FAM13B: variants seen among roughly 807,000 people sequenced by gnomAD.
FAM13B encodes the protein family with sequence similarity 13 member B, also known as protein FAM13B.
A neutral mutation model predicts 117.3 loss-of-function variants in FAM13B; 60 were observed. The observed-to-expected ratio is 0.51, with a 90% CI of 0.42 to 0.63. The LOEUF (loss-of-function observed/expected upper bound fraction) is 0.63. FAM13B is among the 30% of genes least tolerant of loss of function. The pLI is 0.00. For synonymous variants in FAM13B, 332 were observed against 356.1 expected, an observed-to-expected ratio of 0.93 and a Z score of 0.76; for missense variants, 972 against 1,091.9, an observed-to-expected ratio of 0.89 and a Z score of 1.55.
At chr5:137,996,884 A>T (rs62381758) in intron 7 of FAM13B, among the ~76,000 whole-genome samples, 4 of 152,320 alleles carry the variant, frequency 2.6e-5, no homozygotes, top group East Asian at 1.9e-4. Flanking sequence ...TGAGCCACTG[A>T]GCCCAGCCCA....
chr5:137,961,817 A>C (rs1323623811), intron 11 of FAM13B, among the ~76,000 whole-genome samples: 1 of 152,184 alleles, frequency 6.6e-6, no homozygotes, highest in Non-Finnish European at 1.5e-5. Flanking sequence ...CAAGAACCCA[A>C]ATCTTACTCT....
At chr5:137,978,517 C>T (rs1259118878) in intron 10 of FAM13B, among the ~76,000 whole-genome samples, 6 of 151,866 alleles carry the variant, frequency 4.0e-5, no homozygotes, top group Non-Finnish European at 7.4e-5. Context: ...AAAAAAAAGC[C>T]ATTTCATTAG....
intron 18 of FAM13B, 31 bp from the exon 19 acceptor site, chr5:137,946,342 C>CAAAAA: frequency 2.2e-6 from 2 of 919,178 alleles, no homozygotes; most frequent in Non-Finnish European, 3.0e-6. Flanking sequence ...TAACAAAATA[C>CAAAAA]AAAAAAAAAA....
Position 138,021,065 on chromosome 5 carries a change from G to T in FAM13B, c.-70C>A. On this transcript the variant is annotated 5_prime_UTR_variant, in exon 2 of 24. Coordinates refer to ENST00000689681, the MANE Select transcript of FAM13B (RefSeq NM_001385994.1). Reference sequence around the variant, plus strand: ...CTTAAATACCTAAGTTTAAAAAATGGCTTCTGCACCAGCTACCCTCACTGA... The same window carrying T: ...CTTAAATACCTAAGTTTAAAAAATGTCTTCTGCACCAGCTACCCTCACTGA... The T allele has an allele frequency of 8.1e-7, 1 of 1,231,554 alleles. No individual in the cohort carries two copies. The highest frequency in any genetic ancestry group is 1.0e-6 in the Non-Finnish European group (1 of 987,916). The allele number at this position is 1,231,554 out of a possible 1,614,324, so 76.3% of individuals were successfully genotyped here. A position where few individuals can be genotyped will look rare whatever the true frequency, so the allele number is the denominator to read the frequency against.
At chr5:137,976,582 C>G (rs1176539720) in intron 10 of FAM13B, among the ~76,000 whole-genome samples, 1 of 152,194 alleles carries the variant, frequency 6.6e-6, no homozygotes, top group African/African-American at 2.4e-5. Context: ...GAGGGACCAG[C>G]TGAAGCCATG....
At chr5:138,028,486 T>C (rs961595952) in intron 1 of FAM13B, among the ~76,000 whole-genome samples, 1 of 151,590 alleles carries the variant, frequency 6.6e-6, no homozygotes, top group African/African-American at 2.4e-5. Flanking sequence ...CAGACTTGTA[T>C]AAAAACTGAA....
At chr5:138,051,899 T>C (rs1791810476) in exon 1 of FAM13B, 1 of 152,178 alleles carries the variant, frequency 6.6e-6, no homozygotes. Context: ...GCCCTGTAGA[T>C]GTCCCTTTCA....
intron 2 of FAM13B, chr5:138,020,025 A>G (rs1252863222): frequency 6.2e-6 from 6 of 972,396 alleles, no homozygotes; most frequent in South Asian, 9.5e-5. Context: ...CTGGACATCA[A>G]CTTTCAATAA....
At chr5:137,969,149 T>A (rs1296703774) in intron 10 of FAM13B, among the ~76,000 whole-genome samples, 1 of 152,222 alleles carries the variant, frequency 6.6e-6, no homozygotes, top group Non-Finnish European at 1.5e-5. Context: ...GCTCCACCTC[T>A]GGGGGGCAGG....
At chr5:138,008,228 C>T (rs1040541350) in intron 6 of FAM13B, among the ~76,000 whole-genome samples, 14 of 152,046 alleles carry the variant, frequency 9.2e-5, no homozygotes, top group African/African-American at 3.4e-4. Flanking sequence ...AACCCTTGAA[C>T]CCAGGAGTTC....
At chr5:138,046,473 A>T (rs1297848501) in intron 1 of FAM13B, among the ~76,000 whole-genome samples, 1 of 152,168 alleles carries the variant, frequency 6.6e-6, no homozygotes, top group Non-Finnish European at 1.5e-5. Context: ...CCCTAATTGG[A>T]TGGTGGCTAC....
chr5:137,961,314 AAACAACAACAACAAC>A (rs56832242), intron 11 of FAM13B, among the ~76,000 whole-genome samples: 4 of 151,170 alleles, frequency 2.6e-5, no homozygotes, highest in Non-Finnish European at 4.4e-5. Flanking sequence ...CTTTTTCCAA[AAACAACAACAACAAC>A]AACAACAACA....
intron 10 of FAM13B, among the ~76,000 whole-genome samples, chr5:137,969,717 A>T (rs1169609883): frequency 1.3e-5 from 2 of 152,066 alleles, no homozygotes; most frequent in African/African-American, 4.8e-5. Context: ...TTTGAAAAAA[A>T]TTTAGAAGAA....
At chr5:138,010,969 A>AGC in intron 6 of FAM13B, 39 bp downstream of exon 6, 1 of 1,423,108 alleles carries the variant, frequency 7.0e-7, no homozygotes, top group Non-Finnish European at 9.1e-7. Flanking sequence ...AAAAAAAAAA[A>AGC]AAAAAAAAAA....
At chr5:138,014,811 C>A (rs1784877574) in intron 4 of FAM13B, among the ~76,000 whole-genome samples, 1 of 152,182 alleles carries the variant, frequency 6.6e-6, no homozygotes, top group South Asian at 2.1e-4. Flanking sequence ...TGGCCTGTGT[C>A]TGAAGTCTTC....
At position 137,978,165 on chromosome 5, in the gene FAM13B, T is replaced by A. The variant is rs539970625; in HGVS notation, c.1179+7092A>T. Reference sequence around the variant, plus strand: ...ACTCAACTATATCCTATGATATGGATATACTATGATTTATCTAATCATTTT... The same window carrying A: ...ACTCAACTATATCCTATGATATGGAAATACTATGATTTATCTAATCATTTT... On this transcript the variant is annotated intron_variant, in intron 10 of 23. Coordinates refer to ENST00000689681, the MANE Select transcript of FAM13B (RefSeq NM_001385994.1). 2.6e-5 allele frequency among the ~76,000 whole-genome samples: 4 copies of A among 152,332 alleles called. No individual in the cohort carries two copies. The East Asian group carries it at 7.7e-4, about 29-fold the overall frequency.
intron 7 of FAM13B, among the ~76,000 whole-genome samples, chr5:137,990,854 TA>T (rs1232826486): frequency 6.6e-6 from 1 of 152,118 alleles, no homozygotes; most frequent in Non-Finnish European, 1.5e-5. Context: ...GTCAATATAG[TA>T]TATTGACAAA....
intron 1 of FAM13B, among the ~76,000 whole-genome samples, chr5:138,047,102 T>C (rs555332311): frequency 6.6e-6 from 1 of 152,242 alleles, no homozygotes; most frequent in East Asian, 1.9e-4. Context: ...GTGAGCTATC[T>C]GTAGAGAAGA....
At chr5:137,959,202 T>G (rs1297396040) in intron 13 of FAM13B, among the ~76,000 whole-genome samples, 1 of 152,232 alleles carries the variant, frequency 6.6e-6, no homozygotes, top group African/African-American at 2.4e-5. Flanking sequence ...GAAGGTCATT[T>G]TTCAAAAAAG....
Sources: gnomAD v4.1 joint callset for allele counts (sites outside exome capture counted in the v4.1 genomes callset) on GRCh38, gnomAD v4.1.1 for gene constraint, MANE v1.5 for transcripts, NCBI Gene and HGNC (gene_info 2026-07-23, HGNC 2026-07-21) for gene names.